Variants in SMCO4 observed in about 807,000 individuals in gnomAD.
SMCO4 encodes the protein single-pass membrane and coiled-coil domain-containing protein 4.
In SMCO4, 4 loss-of-function variants were observed where a neutral mutation model predicts 3.6. The ratio of observed to expected loss-of-function variants is 1.11; its 90% CI spans 0.54 to 2.53. The LOEUF (loss-of-function observed/expected upper bound fraction) is 2.53. Among genes scored for constraint, SMCO4 ranks in the 30% most tolerant of loss-of-function variants. The pLI is 0.02. For synonymous variants in SMCO4, 36 were observed against 35.3 expected (o/e 1.02, Z -0.07); for missense variants, 70 against 80.8 (o/e 0.87, Z 0.51).
intron 1 of SMCO4, among the ~76,000 whole-genome samples, chr11:93,500,522 G>A (rs1463339960): frequency 6.6e-6 from 1 of 152,142 alleles, no homozygotes; most frequent in Admixed American, 6.5e-5. Context: ...TCTTCTACTA[G>A]GGAGCACTGA....
chr11:93,536,510 C>T (rs1256332963), intron 1 of SMCO4, among the ~76,000 whole-genome samples: 1 of 152,114 alleles, frequency 6.6e-6, no homozygotes, highest in Non-Finnish European at 1.5e-5. Context: ...GAAAAGCTCT[C>T]GAAAATATAC....
rs1019033907 is a variant in SMCO4 at position 93,516,836 on chromosome 11, C to G, written c.-153-17488G>C. ...AAAGTAGAGAGAGAGATCTACATAC[C>G]CATTTACATTCGAGTAGTATCCTAA... On this transcript the variant is annotated intron_variant, in intron 1 of 2. Coordinates refer to ENST00000298966, the MANE Select transcript of SMCO4 (RefSeq NM_020179.3). 3.3e-5 allele frequency among the ~76,000 whole-genome samples: 5 copies of G among 151,834 alleles called. No homozygotes were observed. The South Asian group carries it at 1.0e-3, about 32-fold the overall frequency.
chr11:93,484,612 T>A (rs1227943693), intron 2 of SMCO4, among the ~76,000 whole-genome samples: 1 of 152,004 alleles, frequency 6.6e-6, no homozygotes, highest in African/African-American at 2.4e-5. Flanking sequence ...GCTCAATAAA[T>A]GGTACACAGT....
intron 2 of SMCO4, among the ~76,000 whole-genome samples, chr11:93,481,000 TG>T (rs1948586080): frequency 6.6e-6 from 1 of 151,924 alleles, no homozygotes. Context: ...AAGCGCCATT[TG>T]GGCAAATGTA....
At chr11:93,537,991 C>G (rs1949242252) in intron 1 of SMCO4, 1 of 152,608 alleles carries the variant, frequency 6.6e-6, no homozygotes, top group Non-Finnish European at 1.5e-5. Context: ...CCAGCACAAA[C>G]TCTCAGAAGG....
intron 1 of SMCO4, among the ~76,000 whole-genome samples, chr11:93,508,405 T>C (rs1012724888): frequency 1.3e-5 from 2 of 152,200 alleles, no homozygotes; most frequent in African/African-American, 4.8e-5. Context: ...GTAAGTATGA[T>C]AAGAAGTCAA....
chr11:93,549,328 T>TG, the SMCO4 span, among the ~76,000 whole-genome samples: 1 of 152,246 alleles, frequency 6.6e-6, no homozygotes, highest in African/African-American at 2.4e-5. Context: ...TTCAAATACT[T>TG]AATTAACCTT....
chr11:93,530,943 G>C lies in SMCO4; in HGVS notation c.-154+12333C>G, dbSNP rs186510337. On this transcript the variant is annotated intron_variant, in intron 1 of 2. Coordinates refer to ENST00000298966, the MANE Select transcript of SMCO4 (RefSeq NM_020179.3). ...AGTCCCAAAAAACTCATGTCCACCT[G>C]GAACCTCAGAATATGAGCTTATTTA... Among the ~76,000 whole-genome samples, 400 of 152,274 alleles carry C rather than the reference G, an allele frequency of 2.6e-3. 3 individuals are homozygous for C. The highest frequency in any genetic ancestry group is 9.0e-3 in the African/African-American group (373 of 41,538).
At chr11:93,506,012 T>C (rs1409508602) in intron 1 of SMCO4, among the ~76,000 whole-genome samples, 2 of 152,012 alleles carry the variant, frequency 1.3e-5, no homozygotes, top group Admixed American at 6.6e-5. Context: ...GATGAAATCA[T>C]TGCACACGAT....
intron 2 of SMCO4, among the ~76,000 whole-genome samples, chr11:93,497,432 C>G (rs553448141): frequency 6.6e-6 from 1 of 152,072 alleles, no homozygotes; most frequent in Non-Finnish European, 1.5e-5. Flanking sequence ...TTTAAATTAG[C>G]CTTAACAAAA....
chr11:93,526,542 G>A (rs1040328723), intron 1 of SMCO4, among the ~76,000 whole-genome samples: 4 of 152,112 alleles, frequency 2.6e-5, no homozygotes, highest in Admixed American at 6.5e-5. Flanking sequence ...CCAGTGAAGC[G>A]ATGGTAGAGG....
intron 2 of SMCO4, chr11:93,481,549 CTG>C: frequency 1.0e-6 from 1 of 983,252 alleles, no homozygotes. Context: ...CCCAACGGCC[CTG>C]TGAGTCAGAC....
intron 1 of SMCO4, among the ~76,000 whole-genome samples, chr11:93,527,846 TG>T (rs1235008894): frequency 6.6e-6 from 1 of 152,114 alleles, no homozygotes; most frequent in East Asian, 1.9e-4. Flanking sequence ...GGATGGGTTT[TG>T]CTATGTAGCC....
At chr11:93,548,683 G>A in the SMCO4 span, among the ~76,000 whole-genome samples, 4 of 152,178 alleles carry the variant, frequency 2.6e-5, no homozygotes, top group Admixed American at 6.5e-5. Context: ...CCAGTGGAGG[G>A]TCCAGGTTCT....
intron 1 of SMCO4, among the ~76,000 whole-genome samples, chr11:93,526,148 C>T (rs933471778): frequency 1.3e-5 from 2 of 152,118 alleles, no homozygotes; most frequent in Non-Finnish European, 2.9e-5. Flanking sequence ...CCTTGATGTT[C>T]TACAAAGCAT....
At chr11:93,544,448 T>C (rs1949300049), upstream of SMCO4, among the ~76,000 whole-genome samples, 1 of 152,320 alleles carries the variant, frequency 6.6e-6, no homozygotes, top group South Asian at 2.1e-4. Context: ...CTTGGGGTTT[T>C]TTTGTTCTGT....
chr11:93,543,739 A>G (rs988036893), upstream of SMCO4, among the ~76,000 whole-genome samples: 10 of 152,226 alleles, frequency 6.6e-5, no homozygotes, highest in African/African-American at 2.4e-4. Context: ...GGCAAACGCC[A>G]TGTCTGTTGT....
intron 1 of SMCO4, among the ~76,000 whole-genome samples, chr11:93,505,851 C>T (rs1481565930): frequency 7.6e-6 from 1 of 131,348 alleles, no homozygotes; most frequent in Non-Finnish European, 1.6e-5. Flanking sequence ...GTATTAAGCC[C>T]TTGCAATGAT....
At chr11:93,497,473 C>G (rs1252636895) in intron 2 of SMCO4, among the ~76,000 whole-genome samples, 1 of 152,154 alleles carries the variant, frequency 6.6e-6, no homozygotes, top group African/African-American at 2.4e-5. Context: ...TGGAAGGTCT[C>G]AGGAGGAACA....
Sources: gnomAD v4.1 joint callset for allele counts (sites outside exome capture counted in the v4.1 genomes callset) on GRCh38, gnomAD v4.1.1 for gene constraint, MANE v1.5 for transcripts, NCBI Gene and HGNC (gene_info 2026-07-23, HGNC 2026-07-21) for gene names.